The following HSPG2 variants were observed in gnomAD, a reference collection of about 807,000 sequenced individuals.
HSPG2 encodes the protein basement membrane-specific heparan sulfate proteoglycan core protein.
Under a neutral mutation model 526.6 loss-of-function variants are expected in HSPG2, and 278 were observed. That is an observed-to-expected ratio of 0.53 (90% CI 0.48 to 0.58). The LOEUF is 0.58. Ranked by LOEUF, HSPG2 falls within the 20% of genes least tolerant of loss-of-function variation. The pLI is 0.00. For missense variants in HSPG2, 5,354 were observed against 6,099.5 expected (o/e 0.88, Z 4.07); for synonymous variants, 2,465 against 2,555.4 (o/e 0.96, Z 1.07).
intron 91 of HSPG2, among the ~76,000 whole-genome samples, chr1:21,826,873 G>A (rs2097977694): frequency 1.3e-5 from 2 of 152,156 alleles, no homozygotes; most frequent in Non-Finnish European, 2.9e-5. Flanking sequence ...ATTGTTCTAG[G>A]CATTTAAAAT....
rs752967212 is a variant in HSPG2, at chr1:21,865,654, C to T, written c.4314+63G>A. 1.8e-5 allele frequency: 24 copies of T among 1,338,018 alleles called. No individual in the cohort carries two copies. Among genetic ancestry groups the T allele is most frequent in the East Asian group, 4.6e-5 (2 of 43,680 alleles). The allele number at this position is 1,338,018 out of a possible 1,614,324, so 82.9% of individuals were successfully genotyped here. On this transcript the variant is annotated intron_variant, in intron 34 of 96. Transcript: ENST00000374695. The surrounding 1 kb of genome is among the most constrained non-coding windows in gnomAD (Gnocchi z 5.4). ...GATGGAAAGGACAAAGGACAAATGC[C>T]GAGGGTGCCCCTGGCTTCCATCCTG...
At position 21,824,681 on chromosome 1, in the gene HSPG2, G is replaced by A. The variant is rs1441801188; in HGVS notation, c.12665+23C>T. ...TCCCATCCTCCCCATTAGGCCCATG[G>A]GCCCTTCCAATGCCAGTCTCACCTC... On this transcript the variant is annotated intron_variant, in intron 92 of 96. Coordinates refer to ENST00000374695, the MANE Select transcript of HSPG2 (RefSeq NM_005529.7). The surrounding 1 kb of genome is among the most constrained non-coding windows in gnomAD (Gnocchi z 5.9). The A allele has an allele frequency of 6.2e-7, 1 of 1,613,248 alleles. No individual in the cohort carries two copies. The highest frequency in any genetic ancestry group is 1.7e-5 in the Admixed American group (1 of 59,930).
intron 57 of HSPG2, among the ~76,000 whole-genome samples, chr1:21,849,538 A>G (rs2152715835): frequency 6.6e-6 from 1 of 152,294 alleles, no homozygotes; most frequent in Admixed American, 6.5e-5. Flanking sequence ...ATAACCTTAC[A>G]AATGGAAGCT....
chr1:21,914,180 G>A (rs977620478), intron 1 of HSPG2, among the ~76,000 whole-genome samples: 4 of 152,212 alleles, frequency 2.6e-5, no homozygotes, highest in South Asian at 2.1e-4. Context: ...CTTGGAGACC[G>A]ATGGACCATA....
intron 3 of HSPG2, among the ~76,000 whole-genome samples, chr1:21,892,277 T>C (rs1172736378): frequency 6.6e-6 from 1 of 152,224 alleles, no homozygotes; most frequent in Non-Finnish European, 1.5e-5. Flanking sequence ...AGGCCCCTTG[T>C]GAGCCAGCAC....
chr1:21,854,134 G>C, intron 50 of HSPG2, 59 bp downstream of exon 50: 1 of 1,506,636 alleles, frequency 6.6e-7, no homozygotes, highest in Non-Finnish European at 8.9e-7. Context: ...GAAGCCACAG[G>C]CATCTTCCTT....
intron 16 of HSPG2, 26 bp from the exon 17 acceptor site, chr1:21,880,280 G>A (rs774007467): frequency 8.7e-6 from 14 of 1,613,972 alleles, no homozygotes; most frequent in East Asian, 2.2e-5. Context: ...CAAAAGAGTC[G>A]CTGCAAGGAC....
chr1:21,860,190 C>T lies in HSPG2; in HGVS notation c.5001G>A (p.Gln1667=), dbSNP rs1399395553. 3 of 1,613,790 alleles carry T rather than the reference C, an allele frequency of 1.9e-6. No homozygotes were observed. The highest frequency in any genetic ancestry group is 2.7e-5 in the African/African-American group (2 of 74,946). ...YVGNPSVQGG[Q]CLPETNQAPL... is the part of the protein sequence containing the mutation. Reference sequence around the variant, plus strand: ...GGTCCCACTTACTCTCTGGCAGGCACTGGCCCCCTTGCACACTGGGGTTAC... The same window carrying T: ...GGTCCCACTTACTCTCTGGCAGGCATTGGCCCCCTTGCACACTGGGGTTAC... The change falls in exon 40 of 97, where the codon CAG becomes CAA. Residue 1667 remains glutamine, a synonymous_variant. Transcript: ENST00000374695.
chr1:21,916,082 A>G (rs1643881725), intron 1 of HSPG2, among the ~76,000 whole-genome samples: 2 of 138,880 alleles, frequency 1.4e-5, no homozygotes, highest in South Asian at 4.7e-4. Flanking sequence ...AAAAAAAAAA[A>G]AAGGCCTGGC....
chr1:21,859,488 G>T lies in HSPG2; in HGVS notation c.5293+78C>A. The stretch of plus-strand genomic sequence containing the variant: ...CACTGCCCCCTCCCAGCAGGTGAAT[G>T]CACCATCTGCCTGAATCTGCAGCCT... On this transcript the variant is annotated intron_variant, in intron 42 of 96. Transcript: ENST00000374695. This position sits in a 1 kb window ranked among gnomAD's most constrained non-coding sequence, Gnocchi z 5.3. 9.0e-7 allele frequency: 1 copy of T among 1,112,886 alleles called. No individual in the cohort carries two copies. The allele number at this position is 1,112,886 out of a possible 1,614,324, so 68.9% of individuals were successfully genotyped here. A position where few individuals can be genotyped will look rare whatever the true frequency, so the allele number is the denominator to read the frequency against.
chr1:21,835,624 C>G lies in HSPG2; in HGVS notation c.10369G>C (p.Asp3457His), dbSNP rs781071944. ...QDGVLRIQNLDQSCQGTYICQ... is the reference protein window; with the variant it reads ...QDGVLRIQNLHQSCQGTYICQ... ...ATATACGTCCCTTGGCAGCTCTGGT[C>G]CAAGTTCTGGATTCTATAAAGAAAA... Residue 3457 changes from aspartate to histidine, a missense_variant, in exon 76 of 97, where the codon GAC (aspartate) becomes CAC (histidine). Physicochemically the swap from Asp to His is moderately conservative, Grantham distance 81. Coordinates refer to ENST00000374695, the MANE Select transcript of HSPG2 (RefSeq NM_005529.7). The G allele has an allele frequency of 6.2e-7, 1 of 1,613,390 alleles. No individual in the cohort carries two copies. Among genetic ancestry groups the G allele is most frequent in the Non-Finnish European group, 8.5e-7 (1 of 1,179,446 alleles).
At chr1:21,830,789 A>C in intron 85 of HSPG2, 193 bp downstream of exon 85, 3 of 554,468 alleles carry the variant, frequency 5.4e-6, no homozygotes, top group Non-Finnish European at 9.8e-6. Flanking sequence ...GAGGAGGGGA[A>C]GCAGCAGTGA....
chr1:21,851,360 T>C, intron 55 of HSPG2, 186 bp downstream of exon 55: 1 of 744,176 alleles, frequency 1.3e-6, no homozygotes, highest in East Asian at 2.7e-5. Flanking sequence ...AGCTAAGTGG[T>C]GGAGCCAGAA....
chr1:21,915,681 T>C (rs1643871572), intron 1 of HSPG2, among the ~76,000 whole-genome samples: 1 of 152,160 alleles, frequency 6.6e-6, no homozygotes, highest in African/African-American at 2.4e-5. Flanking sequence ...TCTGGTGCAA[T>C]GGAAATGTTG....
chr1:21,875,513 G>T, intron 25 of HSPG2, 116 bp downstream of exon 25: 1 of 812,828 alleles, frequency 1.2e-6, no homozygotes, highest in South Asian at 1.4e-5. Context: ...TTTACAGACA[G>T]GGAAAGTGAG....
chr1:21,847,083 T>C lies in HSPG2; in HGVS notation c.8164+271A>G, dbSNP rs1400007266. Among the ~76,000 whole-genome samples the C allele has an allele frequency of 1.3e-5, 2 of 152,244 alleles. No individual in the cohort carries two copies. The highest frequency in any genetic ancestry group is 2.9e-5 in the Non-Finnish European group (2 of 68,046). On this transcript the variant is annotated intron_variant, in intron 62 of 96. Coordinates refer to ENST00000374695, the MANE Select transcript of HSPG2 (RefSeq NM_005529.7). This position sits in a 1 kb window ranked among gnomAD's most constrained non-coding sequence, Gnocchi z 4.1. ...CACGCTCTAAGCACATTACATGCAC[T>C]AACTCACTTAACCCTCACAAAATTC...
At chr1:21,834,600 C>T (rs935172542) in intron 77 of HSPG2, 79 bp downstream of exon 77, 47 of 1,517,222 alleles carry the variant, frequency 3.1e-5, no homozygotes, top group South Asian at 4.6e-5. Context: ...AAGAGCAGAG[C>T]GGGCAGGCAG....
Position 21,887,609 on chromosome 1 carries a change from G to T in HSPG2, c.769C>A (p.Arg257=). The T allele has an allele frequency of 1.2e-6, 2 of 1,614,040 alleles. No homozygotes were observed. The highest frequency in any genetic ancestry group is 1.7e-6 in the Non-Finnish European group (2 of 1,180,012). ...TGTCGCATGATGGTTGTCTCTGGCCGGGGCGGTAAAGATGTCGTCTCCACA... is the reference window on the plus strand; with the variant it reads ...TGTCGCATGATGGTTGTCTCTGGCCTGGGCGGTAAAGATGTCGTCTCCACA... ...LLVETTSLPP[R]PETTIMRQPP... Residue 257 remains arginine, a synonymous_variant, in exon 8 of 97, where the codon CGG becomes AGG. Transcript: ENST00000374695. This position sits in a 1 kb window ranked among gnomAD's most constrained non-coding sequence, Gnocchi z 5.0.
At chr1:21,902,491 T>C (rs1365493216) in intron 1 of HSPG2, among the ~76,000 whole-genome samples, 1 of 152,208 alleles carries the variant, frequency 6.6e-6, no homozygotes, top group East Asian at 1.9e-4. Context: ...ACTCATTTGA[T>C]AGATAAGGAA....
Sources: gnomAD v4.1 joint callset for allele counts (sites outside exome capture counted in the v4.1 genomes callset) on GRCh38, gnomAD v4.1.1 for gene constraint, Gnocchi (gnomAD v3.1) non-coding constraint, MANE v1.5 for transcripts, NCBI Gene and HGNC (gene_info 2026-07-23, HGNC 2026-07-21) for gene names.